Variants in URI1 observed in about 807,000 individuals in gnomAD.
The protein encoded by URI1 is URI1 prefoldin like chaperone.
URI1 carries 39 observed loss-of-function variants against 60.2 expected under a neutral mutation model. The observed-to-expected ratio is 0.65, with a 90% CI of 0.50 to 0.85. The LOEUF (loss-of-function observed/expected upper bound fraction) is 0.85. URI1 is among the 40% of genes least tolerant of loss of function. URI1 has a pLI of 0.00. For synonymous variants in URI1, 251 were observed against 236.8 expected (o/e 1.06, Z -0.55); for missense variants, 691 against 665.9 (o/e 1.04, Z -0.42).
At position 29,942,520 on chromosome 19, in the gene URI1, A is replaced by C. The variant is rs934442070; in HGVS notation, c.-28A>C. On this transcript the variant is annotated 5_prime_UTR_variant, in exon 1 of 11. Coordinates refer to ENST00000392271, the MANE Select transcript of URI1 (RefSeq NM_003796.3). Reference sequence around the variant, plus strand: ...GCGCAGGCGCTGGTTCAGGACTCACACGCCGCGCTGAGGCCCGCGGGCCCG... The same window carrying C: ...GCGCAGGCGCTGGTTCAGGACTCACCCGCCGCGCTGAGGCCCGCGGGCCCG... 7.4e-7 allele frequency: 1 copy of C among 1,350,388 alleles called. No homozygotes were observed. The highest frequency in any genetic ancestry group is 1.5e-5 in the African/African-American group (1 of 64,710). 83.7% of individuals were successfully genotyped at this position (1,350,388 alleles called of 1,614,324 possible). A position where few individuals can be genotyped will look rare whatever the true frequency, so the allele number is the denominator to read the frequency against.
chr19:29,939,118 C>T (rs1038360795), upstream of URI1, among the ~76,000 whole-genome samples: 2 of 151,912 alleles, frequency 1.3e-5, no homozygotes, highest in African/African-American at 4.8e-5. Context: ...GCTGGGATTA[C>T]AGGCATGCAC....
chr19:29,962,152 C>G (rs534507795), intron 1 of URI1, among the ~76,000 whole-genome samples: 12 of 152,238 alleles, frequency 7.9e-5, no homozygotes, highest in Admixed American at 2.0e-4. Context: ...CAACTTTTGG[C>G]ATTTGCATTG....
intron 1 of URI1, chr19:29,956,988 T>C: frequency 1.2e-6 from 1 of 805,086 alleles, no homozygotes; most frequent in Non-Finnish European, 2.1e-6. Flanking sequence ...ATGGTCTTCA[T>C]TCTCACAGTA....
intron 1 of URI1, among the ~76,000 whole-genome samples, chr19:29,933,940 C>CTTTTTTTTTTT (rs34942474): frequency 0.035 from 4,337 of 124,062 alleles, 228 homozygotes; most frequent in East Asian, 0.1. Flanking sequence ...CTTTTCTTCC[C>CTTTTTTTTTTT]TTTTTTTTTT....
intron 4 of URI1, among the ~76,000 whole-genome samples, chr19:29,999,980 C>CT (rs11395656): frequency 0.89 from 130,441 of 147,032 alleles, 57,998 homozygotes; most frequent in East Asian, 0.98. Flanking sequence ...TTGTTTACTT[C>CT]TTTTTTTTTT....
chr19:29,971,996 C>T (rs1397096423), intron 2 of URI1, among the ~76,000 whole-genome samples: 1 of 151,994 alleles, frequency 6.6e-6, no homozygotes, highest in Non-Finnish European at 1.5e-5. Flanking sequence ...TGAGATTAAA[C>T]CTTCGGTTAT....
At chr19:29,979,762 A>G (rs548867218) in intron 2 of URI1, among the ~76,000 whole-genome samples, 1 of 152,348 alleles carries the variant, frequency 6.6e-6, no homozygotes, top group South Asian at 2.1e-4. Context: ...TTCTGATGAC[A>G]TAAATTCCTT....
intron 1 of URI1, among the ~76,000 whole-genome samples, chr19:29,947,755 A>G (rs2055120361): frequency 6.6e-6 from 1 of 152,242 alleles, no homozygotes; most frequent in African/African-American, 2.4e-5. Flanking sequence ...GACTTGGAGC[A>G]CTTACAGTGG....
At chr19:30,010,237 A>AG (rs2056000838) in intron 8 of URI1, among the ~76,000 whole-genome samples, 1 of 152,156 alleles carries the variant, frequency 6.6e-6, no homozygotes, top group Non-Finnish European at 1.5e-5. Context: ...TATCATTCTT[A>AG]AGTGTGTGTG....
At chr19:29,931,392 T>A (rs2054916216) in intron 1 of URI1, among the ~76,000 whole-genome samples, 1 of 152,186 alleles carries the variant, frequency 6.6e-6, no homozygotes, top group African/African-American at 2.4e-5. Context: ...ACCACCTTCT[T>A]ACTATGTCCT....
At chr19:29,950,291 A>G (rs924365613) in intron 1 of URI1, among the ~76,000 whole-genome samples, 2 of 152,166 alleles carry the variant, frequency 1.3e-5, no homozygotes, top group Admixed American at 1.3e-4. Context: ...GGTGCGTGGA[A>G]TCTGTGATTT....
intron 10 of URI1, 169 bp downstream of exon 10, chr19:30,012,700 A>G (rs994117826): frequency 1.8e-5 from 15 of 812,772 alleles, no homozygotes; most frequent in Admixed American, 3.7e-5. Context: ...GTGATAATCA[A>G]ATAGTTTATT....
rs2055253175 is a variant in URI1 at position 29,956,741 on chromosome 19, C to A, written c.117+14077C>A. 4.4e-6 allele frequency: 7 copies of A among 1,575,936 alleles called. No homozygotes were observed. In the South Asian group the frequency reaches 7.8e-5, roughly 17 times the overall value. On this transcript the variant is annotated intron_variant, in intron 1 of 10. Coordinates refer to ENST00000392271, the MANE Select transcript of URI1 (RefSeq NM_003796.3). ...CTTGTAATGGAAGCCCAGTGTAACA[C>A]CCTTGATCATGTTCTGTACATGACT...
chr19:29,962,116 A>G (rs1559082), intron 1 of URI1, among the ~76,000 whole-genome samples: 121,776 of 152,122 alleles, frequency 0.8, 50,292 homozygotes, highest in Non-Finnish European at 0.9. Flanking sequence ...GGACAAATTC[A>G]CAAGGGTTCC....
chr19:29,951,097 A>AAC (rs1346877083), intron 1 of URI1, among the ~76,000 whole-genome samples: 4 of 152,074 alleles, frequency 2.6e-5, no homozygotes, highest in African/African-American at 4.8e-5. Context: ...TGTCTCTAAA[A>AAC]ACACACACAC....
At chr19:29,970,128 ATTTTTTTTT>A (rs199739403) in intron 1 of URI1, among the ~76,000 whole-genome samples, 13 of 74,538 alleles carry the variant, frequency 1.7e-4, no homozygotes, top group African/African-American at 4.8e-4. Context: ...AATCGTGTGT[ATTTTTTTTT>A]TTTTTTTTTT....
chr19:29,952,291 T>C (rs1012351298), intron 1 of URI1, among the ~76,000 whole-genome samples: 3 of 152,232 alleles, frequency 2.0e-5, no homozygotes, highest in African/African-American at 7.2e-5. Flanking sequence ...GATTTAAGAA[T>C]ACTGCCACAT....
At chr19:29,924,847 T>C (rs192537196) in intron 1 of URI1, among the ~76,000 whole-genome samples, 32 of 152,234 alleles carry the variant, frequency 2.1e-4, no homozygotes, top group Non-Finnish European at 3.7e-4. Flanking sequence ...TAATTTTTAA[T>C]TTTTTTTAGA....
upstream of URI1, chr19:29,942,189 C>A: frequency 1.0e-6 from 1 of 980,772 alleles, no homozygotes; most frequent in Non-Finnish European, 1.2e-6. Flanking sequence ...CTGGGCGTGT[C>A]GGGGGCGGGG....
Sources: gnomAD v4.1 joint callset for allele counts (sites outside exome capture counted in the v4.1 genomes callset) on GRCh38, gnomAD v4.1.1 for gene constraint, MANE v1.5 for transcripts, NCBI Gene and HGNC (gene_info 2026-07-23, HGNC 2026-07-21) for gene names.